The following MACROD2 variants were observed in gnomAD, a reference collection of about 807,000 sequenced individuals.
MACROD2 encodes the protein ADP-ribose glycohydrolase MACROD2.
In MACROD2, 36 loss-of-function variants were observed where a neutral mutation model predicts 70.4. The ratio of observed to expected loss-of-function variants is 0.51; its 90% CI spans 0.39 to 0.68. The LOEUF (loss-of-function observed/expected upper bound fraction) is 0.68. Among genes scored for constraint, MACROD2 ranks in the 30% least tolerant of loss-of-function variants. The probability of loss-of-function intolerance (pLI) is 0.00; values close to 1 mark genes in which losing one functional copy is unlikely to be tolerated. For synonymous variants in MACROD2, 172 were observed against 178.8 expected, an observed-to-expected ratio of 0.96 and a Z score of 0.30; for missense variants, 496 against 538.4, an observed-to-expected ratio of 0.92 and a Z score of 0.78.
chr20:15,375,403 A>G (rs529013337), intron 6 of MACROD2, among the ~76,000 whole-genome samples: 1 of 152,286 alleles, frequency 6.6e-6, no homozygotes, highest in South Asian at 2.1e-4. Flanking sequence ...GAGCTCCAAG[A>G]AAGACTCAGG....
chr20:14,103,618 T>C (rs1018665286), intron 3 of MACROD2, among the ~76,000 whole-genome samples: 1 of 152,236 alleles, frequency 6.6e-6, no homozygotes, highest in Non-Finnish European at 1.5e-5. Flanking sequence ...CATTGTTTGT[T>C]AAAGTTCAGT....
intron 5 of MACROD2, among the ~76,000 whole-genome samples, chr20:14,868,840 G>T (rs1053940758): frequency 7.2e-5 from 11 of 152,132 alleles, no homozygotes; most frequent in African/African-American, 2.7e-4. Context: ...TGTATGTATT[G>T]CCATATTGAA....
chr20:15,649,242 C>A (rs1174967444), intron 8 of MACROD2, among the ~76,000 whole-genome samples: 3 of 55,254 alleles, frequency 5.4e-5, no homozygotes, highest in Non-Finnish European at 7.6e-5. Flanking sequence ...TTCTTTCTTT[C>A]TTTCTTCTTT....
At chr20:16,024,717 GTAGC>G (rs2067053732) in intron 15 of MACROD2, among the ~76,000 whole-genome samples, 1 of 152,210 alleles carries the variant, frequency 6.6e-6, no homozygotes, top group East Asian at 1.9e-4. Flanking sequence ...AAAATTGAGG[GTAGC>G]TATTCGTATA....
chr20:14,843,796 A>G (rs566417348), intron 5 of MACROD2, among the ~76,000 whole-genome samples: 25 of 152,216 alleles, frequency 1.6e-4, no homozygotes, highest in African/African-American at 6.0e-4. Context: ...CTCCTTTGCC[A>G]TGAGACTGTA....
At chr20:15,219,956 G>GAAA (rs11482499) in intron 5 of MACROD2, among the ~76,000 whole-genome samples, 20 of 106,768 alleles carry the variant, frequency 1.9e-4, no homozygotes, top group South Asian at 1.3e-3. Flanking sequence ...ATCATCTCCT[G>GAAA]AAAAAAAAAA....
intron 8 of MACROD2, among the ~76,000 whole-genome samples, chr20:15,511,699 G>A (rs6043339): frequency 0.39 from 58,968 of 152,058 alleles, 11,657 homozygotes; most frequent in East Asian, 0.44. Flanking sequence ...TTTCCCTTAG[G>A]CTGGGCGGCT....
intron 3 of MACROD2, among the ~76,000 whole-genome samples, chr20:14,200,016 T>C (rs1422638083): frequency 6.6e-6 from 1 of 152,208 alleles, no homozygotes; most frequent in East Asian, 1.9e-4. Flanking sequence ...AGTAAAGTGT[T>C]TCCCAATAGC....
chr20:14,175,910 A>G (rs917498459), intron 3 of MACROD2, among the ~76,000 whole-genome samples: 3 of 152,196 alleles, frequency 2.0e-5, no homozygotes, highest in Non-Finnish European at 4.4e-5. Context: ...TGAGATTGCC[A>G]ACCTAATGTC....
intron 5 of MACROD2, among the ~76,000 whole-genome samples, chr20:15,081,702 A>G (rs908914211): frequency 1.1e-4 from 16 of 152,158 alleles, no homozygotes; most frequent in Non-Finnish European, 1.8e-4. Context: ...CCCCTCTGAT[A>G]GGAAAAACAA....
chr20:14,650,232 C>G (rs1985612526), intron 4 of MACROD2, among the ~76,000 whole-genome samples: 1 of 152,274 alleles, frequency 6.6e-6, no homozygotes, highest in African/African-American at 2.4e-5. Flanking sequence ...TTAGGTGTGT[C>G]TGGGACTTAC....
In MACROD2 at chr20:15,819,750, TA is replaced by T. The variant is rs1222342777; in HGVS notation, c.646-42994del. 2.0e-5 allele frequency among the ~76,000 whole-genome samples: 3 copies of T among 151,884 alleles called. No individual in the cohort carries two copies. The East Asian group carries it at 5.8e-4, about 29-fold the overall frequency. On this transcript the variant is annotated intron_variant, in intron 8 of 17. Transcript: ENST00000684519. ...GATATTCAGAGAGAGATAATAAAGC[TA>T]TCCAGGGGTTGGGAAGAGGGGGAGG...
intron 6 of MACROD2, among the ~76,000 whole-genome samples, chr20:15,283,385 T>C (rs545000270): frequency 6.6e-6 from 1 of 152,120 alleles, no homozygotes; most frequent in Non-Finnish European, 1.5e-5. Context: ...GAAAAATACA[T>C]ATCAAGGCCA....
At chr20:14,045,927 A>G (rs1190799351) in intron 2 of MACROD2, among the ~76,000 whole-genome samples, 2 of 152,242 alleles carry the variant, frequency 1.3e-5, no homozygotes, top group Non-Finnish European at 2.9e-5. Flanking sequence ...AGCTGAACAG[A>G]GAATTAATTA....
chr20:15,086,711 G>C (rs2075751425), intron 5 of MACROD2, among the ~76,000 whole-genome samples: 1 of 152,140 alleles, frequency 6.6e-6, no homozygotes, highest in Non-Finnish European at 1.5e-5. Context: ...TGAAATCAGA[G>C]TGAAGTGACA....
chr20:15,055,851 AGT>A (rs1273832931), intron 5 of MACROD2, among the ~76,000 whole-genome samples: 45 of 147,858 alleles, frequency 3.0e-4, no homozygotes, highest in Middle Eastern at 3.5e-3. Flanking sequence ...GCTAGAGTGC[AGT>A]GGCGCCATCT....
intron 4 of MACROD2, among the ~76,000 whole-genome samples, chr20:14,561,490 G>A (rs1290728175): frequency 1.3e-5 from 2 of 151,908 alleles, no homozygotes; most frequent in East Asian, 3.9e-4. Context: ...TCATCTCTAT[G>A]TTAGGTTTAG....
intron 6 of MACROD2, among the ~76,000 whole-genome samples, chr20:15,246,934 A>G (rs1601295165): frequency 6.6e-6 from 1 of 152,340 alleles, no homozygotes; most frequent in East Asian, 1.9e-4. Context: ...ATGTTATGCC[A>G]ACTGAAATAA....
At chr20:15,402,226 A>G (rs1207894246) in intron 6 of MACROD2, among the ~76,000 whole-genome samples, 17 of 152,174 alleles carry the variant, frequency 1.1e-4, no homozygotes, top group South Asian at 4.1e-4. Context: ...TGCACACGGC[A>G]TTATAGATAC....
Sources: gnomAD v4.1 joint callset for allele counts (sites outside exome capture counted in the v4.1 genomes callset) on GRCh38, gnomAD v4.1.1 for gene constraint, MANE v1.5 for transcripts, NCBI Gene and HGNC (gene_info 2026-07-23, HGNC 2026-07-21) for gene names.